The following TMEM245 variants were observed in gnomAD, a reference collection of about 807,000 sequenced individuals.
The protein encoded by TMEM245 is protein CG-2.
A neutral mutation model predicts 101.2 loss-of-function variants in TMEM245; 69 were observed. That is an observed-to-expected ratio of 0.68 (90% confidence interval 0.56 to 0.83). TMEM245 has a LOEUF of 0.83. Among genes scored for constraint, TMEM245 ranks in the 40% least tolerant of loss-of-function variants. TMEM245 has a pLI of 0.00. For synonymous variants in TMEM245, 537 were observed against 449.8 expected, an observed-to-expected ratio of 1.19 and a Z score of -2.45; for missense variants, 1,075 against 1,092.8, an observed-to-expected ratio of 0.98 and a Z score of 0.23.
At chr9:109,085,165 G>T (rs896455306) in intron 7 of TMEM245, among the ~76,000 whole-genome samples, 1 of 152,124 alleles carries the variant, frequency 6.6e-6, no homozygotes, top group Non-Finnish European at 1.5e-5. Context: ...GAGTGCAATG[G>T]TGCAATTATT....
intron 14 of TMEM245, chr9:109,046,209 C>T: frequency 5.6e-6 from 3 of 534,134 alleles, no homozygotes; most frequent in African/African-American, 1.9e-5. Context: ...AGAGCCATAC[C>T]CGTGTGCATG....
At chr9:109,063,076 A>T (rs62575224) in intron 10 of TMEM245, among the ~76,000 whole-genome samples, 11,845 of 152,292 alleles carry the variant, frequency 0.078, 539 homozygotes, top group South Asian at 0.14. Context: ...CATAGTCAGA[A>T]CATCATTTGA....
intron 8 of TMEM245, 123 bp from the exon 9 acceptor site, chr9:109,073,561 AATTAATTTAGAAACATGCAGCG>A: frequency 1.4e-6 from 1 of 691,922 alleles, no homozygotes. Flanking sequence ...TCTTTGCTTT[AATTAATTTAGAAACATGCAGCG>A]CAAAGTTACT....
intron 7 of TMEM245, 41 bp downstream of exon 7, chr9:109,085,956 G>A (rs769629861): frequency 6.2e-6 from 10 of 1,606,462 alleles, no homozygotes; most frequent in South Asian, 3.3e-5. Flanking sequence ...GGGGCATTAC[G>A]GAATTCAATA....
At chr9:109,096,983 T>A (rs1285434143) in intron 3 of TMEM245, among the ~76,000 whole-genome samples, 1 of 152,234 alleles carries the variant, frequency 6.6e-6, no homozygotes, top group Non-Finnish European at 1.5e-5. Context: ...TATAAGAGAC[T>A]AAGCCCCTGG....
chr9:109,093,737 C>T, intron 3 of TMEM245, 146 bp from the exon 4 acceptor site: 1 of 710,128 alleles, frequency 1.4e-6, no homozygotes, highest in Non-Finnish European at 2.5e-6. Flanking sequence ...CAAGGAAGAA[C>T]CATTAAGAAT....
At chr9:109,053,878 C>G (rs369060976) in intron 12 of TMEM245, among the ~76,000 whole-genome samples, 6 of 152,240 alleles carry the variant, frequency 3.9e-5, no homozygotes, top group African/African-American at 1.4e-4. Context: ...TGAGCCACCT[C>G]TGTCTGCCTC....
intron 14 of TMEM245, 36 bp from the exon 15 acceptor site, chr9:109,038,153 AAC>A (rs1828194931): frequency 6.5e-7 from 1 of 1,534,466 alleles, no homozygotes; most frequent in Non-Finnish European, 9.0e-7. Context: ...AGAGTAAATA[AAC>A]AGTGTCATAT....
chr9:109,092,744 A>T (rs1196325240), intron 4 of TMEM245, among the ~76,000 whole-genome samples: 1 of 152,198 alleles, frequency 6.6e-6, no homozygotes, highest in Non-Finnish European at 1.5e-5. Context: ...CTCAGCACAG[A>T]CTAAGGTGGC....
chr9:109,039,837 A>C (rs1456128368), intron 14 of TMEM245, among the ~76,000 whole-genome samples: 3 of 152,132 alleles, frequency 2.0e-5, no homozygotes, highest in African/African-American at 7.2e-5. Flanking sequence ...GACATAATCG[A>C]CCACAGAGAA....
rs553910250 is a variant in TMEM245, at chr9:109,059,702, A to G, written c.1722+652T>C. ...CCTGTCTCAAAAAATAAATAAATAA[A>G]TAATAATAAAAAATAAAAGATCTCT... On this transcript the variant is annotated intron_variant, in intron 11 of 17. Transcript: ENST00000374586. 2.0e-5 allele frequency among the ~76,000 whole-genome samples: 3 copies of G among 152,094 alleles called. No homozygotes were observed. In the South Asian group the frequency reaches 6.2e-4, roughly 32 times the overall value.
intron 14 of TMEM245, among the ~76,000 whole-genome samples, chr9:109,048,030 T>C (rs1182430565): frequency 6.6e-6 from 1 of 152,248 alleles, no homozygotes; most frequent in Non-Finnish European, 1.5e-5. Context: ...TGATAGTCAA[T>C]GGTCATATAG....
intron 3 of TMEM245, among the ~76,000 whole-genome samples, chr9:109,095,599 GT>G (rs1205795695): frequency 6.6e-6 from 1 of 152,208 alleles, no homozygotes; most frequent in Non-Finnish European, 1.5e-5. Flanking sequence ...GGACTTTAGT[GT>G]TTATTCTAAG....
rs113094314 is a variant in TMEM245, at chr9:109,048,972, A to G, written c.2123+1311T>C. Among the ~76,000 whole-genome samples the G allele has an allele frequency of 9.8e-4, 150 of 152,338 alleles. 1 individual carries two copies. Among genetic ancestry groups the G allele is most frequent in the African/African-American group, 3.4e-3 (140 of 41,578 alleles). ...GCAGAGGGCACAGCTTGGCTGTAGG[A>G]CAGAGGAGAAACAGGAAGTCCACCT... is the stretch of plus-strand genomic sequence containing the variant. On this transcript the variant is annotated intron_variant, in intron 14 of 17. Transcript: ENST00000374586.
At chr9:109,087,064 A>G in intron 6 of TMEM245, 109 bp downstream of exon 6, 1 of 907,992 alleles carries the variant, frequency 1.1e-6, no homozygotes, top group Non-Finnish European at 1.6e-6. Context: ...AGAATTAGAT[A>G]TTACATGTGT....
At chr9:109,073,218 A>T in intron 9 of TMEM245, 138 bp downstream of exon 9, 1 of 670,988 alleles carries the variant, frequency 1.5e-6, no homozygotes, top group Non-Finnish European at 2.6e-6. Context: ...TTCTTCAAAA[A>T]TGACAATATT....
intron 3 of TMEM245, 32 bp from the exon 4 acceptor site, chr9:109,093,623 T>A (rs373381017): frequency 1.3e-6 from 2 of 1,557,786 alleles, no homozygotes; most frequent in Non-Finnish European, 1.8e-6. Flanking sequence ...TCAAAACTCT[T>A]TAAAGTAGGA....
chr9:109,030,551 G>A (rs1036241841), intron 17 of TMEM245, among the ~76,000 whole-genome samples: 8 of 151,880 alleles, frequency 5.3e-5, no homozygotes, highest in Non-Finnish European at 2.9e-5. Context: ...TTTTCTTTGT[G>A]TTTGGTGAGC....
chr9:109,043,544 G>C (rs1177460367), intron 14 of TMEM245, among the ~76,000 whole-genome samples: 1 of 152,146 alleles, frequency 6.6e-6, no homozygotes, highest in Non-Finnish European at 1.5e-5. Flanking sequence ...ATTCTTCAAA[G>C]ATTATTGACA....
Sources: allele counts gnomAD v4.1 joint callset (sites outside exome capture counted in the v4.1 genomes callset), GRCh38; gene constraint gnomAD v4.1.1; transcripts MANE v1.5; gene names NCBI Gene and HGNC (gene_info 2026-07-23, HGNC 2026-07-21).